UGCG: variants seen among roughly 807,000 people sequenced by gnomAD.
UGCG encodes the protein UDP-glucose ceramide glucosyltransferase.
A neutral mutation model predicts 49.5 loss-of-function variants in UGCG; 10 were observed. The observed-to-expected ratio is 0.20, with a 90% CI of 0.12 to 0.34. UGCG has a LOEUF of 0.34. Among genes scored for constraint, UGCG ranks in the 10% least tolerant of loss-of-function variants. The pLI is 1.00. For missense variants in UGCG, 312 were observed against 483.7 expected (o/e 0.65, Z 3.33); for synonymous variants, 182 against 158.2 (o/e 1.15, Z -1.13).
intron 1 of UGCG, among the ~76,000 whole-genome samples, chr9:111,908,078 A>G (rs977292207): frequency 6.6e-6 from 1 of 151,908 alleles, no homozygotes; most frequent in African/African-American, 2.4e-5. Flanking sequence ...CATCTTGTCC[A>G]AAAGTTGAAG....
intron 2 of UGCG, 108 bp downstream of exon 2, chr9:111,914,854 A>C: frequency 6.9e-7 from 1 of 1,445,876 alleles, no homozygotes; most frequent in Non-Finnish European, 9.2e-7. Flanking sequence ...TTAAAAATTC[A>C]TGATGATATT....
chr9:111,918,352 A>G (rs1037133019), intron 2 of UGCG, among the ~76,000 whole-genome samples: 9 of 152,186 alleles, frequency 5.9e-5, no homozygotes, highest in African/African-American at 2.2e-4. Flanking sequence ...TGATTTAACA[A>G]TTTTAATACA....
chr9:111,912,415 T>G (rs990506449), intron 1 of UGCG, among the ~76,000 whole-genome samples: 2 of 151,846 alleles, frequency 1.3e-5, no homozygotes, highest in African/African-American at 4.8e-5. Context: ...CTGTGTCTAC[T>G]AAAAATACAA....
intron 1 of UGCG, among the ~76,000 whole-genome samples, chr9:111,900,498 G>GTA (rs1554732156): frequency 1.4e-5 from 2 of 140,078 alleles, no homozygotes; most frequent in Non-Finnish European, 3.1e-5. Flanking sequence ...GTGTGTGTGT[G>GTA]TATTCTTTCT....
chr9:111,930,449 C>A (rs866918514), intron 6 of UGCG, among the ~76,000 whole-genome samples: 1 of 149,156 alleles, frequency 6.7e-6, no homozygotes, highest in Non-Finnish European at 1.5e-5. Context: ...TTCTCTATCA[C>A]AAAATACTTG....
chr9:111,924,559 A>G (rs890033970), intron 3 of UGCG, among the ~76,000 whole-genome samples: 1 of 152,174 alleles, frequency 6.6e-6, no homozygotes, highest in African/African-American at 2.4e-5. Flanking sequence ...AAAAAGTGAA[A>G]CAGTGAATTT....
At chr9:111,899,331 T>G (rs7042346) in intron 1 of UGCG, among the ~76,000 whole-genome samples, 42,909 of 152,206 alleles carry the variant, frequency 0.28, 6,299 homozygotes, top group Admixed American at 0.39. Flanking sequence ...CCATTTTGCC[T>G]TACAAACACT....
chr9:111,924,349 A>G (rs1564204126), intron 3 of UGCG, among the ~76,000 whole-genome samples: 2 of 152,188 alleles, frequency 1.3e-5, no homozygotes, highest in Admixed American at 6.5e-5. Context: ...ATGGTGGGAA[A>G]TCTCTCTTAG....
intron 5 of UGCG, among the ~76,000 whole-genome samples, chr9:111,927,823 C>A (rs1010533989): frequency 1.3e-5 from 2 of 152,122 alleles, no homozygotes; most frequent in Non-Finnish European, 2.9e-5. Context: ...CCCACCACCC[C>A]CTTCTGGGCC....
intron 1 of UGCG, among the ~76,000 whole-genome samples, chr9:111,914,316 A>G (rs1022967294): frequency 6.6e-6 from 1 of 152,216 alleles, no homozygotes; most frequent in African/African-American, 2.4e-5. Context: ...TGGAAGAAGA[A>G]GAATTGTCTT....
At chr9:111,932,031 AAAAAAC>A in intron 7 of UGCG, 133 bp from the exon 8 acceptor site, 1 of 915,126 alleles carries the variant, frequency 1.1e-6, no homozygotes, top group Non-Finnish European at 1.6e-6. Flanking sequence ...AGTAAAAAAA[AAAAAAC>A]AAAACAAAAA....
intron 2 of UGCG, among the ~76,000 whole-genome samples, chr9:111,917,565 T>C (rs1450531482): frequency 2.0e-5 from 3 of 152,250 alleles, no homozygotes; most frequent in Admixed American, 6.5e-5. Flanking sequence ...TAATATTCGA[T>C]TGGGACTATC....
At chr9:111,922,780 A>G in intron 2 of UGCG, 69 bp from the exon 3 acceptor site, 1 of 1,112,020 alleles carries the variant, frequency 9.0e-7, no homozygotes, top group Non-Finnish European at 1.3e-6. Context: ...CTTTTTGTTC[A>G]ATCAATACAT....
intron 1 of UGCG, among the ~76,000 whole-genome samples, chr9:111,902,841 G>A (rs1030582354): frequency 6.6e-6 from 1 of 151,564 alleles, no homozygotes; most frequent in African/African-American, 2.4e-5. Context: ...GCAGTGGTGC[G>A]ATCTCGGCTT....
intron 1 of UGCG, among the ~76,000 whole-genome samples, chr9:111,903,835 A>G (rs910938876): frequency 2.0e-5 from 3 of 152,230 alleles, no homozygotes; most frequent in Admixed American, 6.5e-5. Context: ...AGCTCAAACA[A>G]TCTGCCTGCC....
intron 1 of UGCG, among the ~76,000 whole-genome samples, chr9:111,910,645 T>C (rs1837979469): frequency 6.6e-6 from 1 of 152,224 alleles, no homozygotes; most frequent in Non-Finnish European, 1.5e-5. Context: ...TTTCCCTCAT[T>C]TCCTTCTCTT....
At chr9:111,908,524 T>C (rs758243183) in intron 1 of UGCG, among the ~76,000 whole-genome samples, 63 of 152,352 alleles carry the variant, frequency 4.1e-4, no homozygotes, top group Non-Finnish European at 7.8e-4. Flanking sequence ...GAGAAAATTC[T>C]TTGAGCTGTG....
intron 7 of UGCG, among the ~76,000 whole-genome samples, chr9:111,931,579 A>G (rs1413429681): frequency 6.6e-6 from 1 of 152,202 alleles, no homozygotes; most frequent in Non-Finnish European, 1.5e-5. Context: ...AGAAATGTTG[A>G]GACTGAATTT....
intron 2 of UGCG, among the ~76,000 whole-genome samples, chr9:111,918,483 G>A (rs1037142700): frequency 1.3e-5 from 2 of 152,076 alleles, no homozygotes; most frequent in African/African-American, 4.8e-5. Flanking sequence ...CCTCCAATTT[G>A]GTGTAATTTC....
Sources: gnomAD v4.1 joint callset for allele counts (sites outside exome capture counted in the v4.1 genomes callset) on GRCh38, gnomAD v4.1.1 for gene constraint, MANE v1.5 for transcripts, NCBI Gene and HGNC (gene_info 2026-07-23, HGNC 2026-07-21) for gene names.